The following CDH12 variants were observed in gnomAD, a reference collection of about 807,000 sequenced individuals.
CDH12 encodes cadherin-12.
Under a neutral mutation model 74.1 loss-of-function variants are expected in CDH12, and 41 were observed. The observed-to-expected ratio is 0.55, with a 90% CI of 0.43 to 0.72. CDH12 has a LOEUF of 0.72. Among genes scored for constraint, CDH12 ranks in the 30% least tolerant of loss-of-function variants. CDH12 has a pLI of 0.00. For missense variants in CDH12, 945 were observed against 977.2 expected (o/e 0.97, Z 0.44); for synonymous variants, 399 against 355.0 (o/e 1.12, Z -1.39).
intron 4 of CDH12, among the ~76,000 whole-genome samples, chr5:22,124,049 C>A (rs1745684939): frequency 6.6e-6 from 1 of 151,800 alleles, no homozygotes; most frequent in Admixed American, 6.6e-5. Flanking sequence ...CTCACTGCAA[C>A]CTCAGCCTCC....
At chr5:22,517,843 T>G (rs1369059297) in intron 1 of CDH12, among the ~76,000 whole-genome samples, 3 of 152,230 alleles carry the variant, frequency 2.0e-5, no homozygotes, top group African/African-American at 7.2e-5. Flanking sequence ...GGCAAATATA[T>G]ATTTTTTCCT....
In CDH12 at chr5:21,904,355, T is replaced by C. The variant is rs147420004; in HGVS notation, c.527-49565A>G. On this transcript the variant is annotated intron_variant, in intron 6 of 14. Transcript: ENST00000382254. ...AAAAGGGGAGAGAACACAAGAGACA[T>C]GTGGAAGGAATAATAATGGGATGAT... is the stretch of plus-strand genomic sequence containing the variant. Among the ~76,000 whole-genome samples, 857 of 152,182 alleles carry C rather than the reference T, an allele frequency of 5.6e-3. 7 individuals are homozygous for C. The highest frequency in any genetic ancestry group is 0.02 in the African/African-American group (811 of 41,524).
intron 8 of CDH12, among the ~76,000 whole-genome samples, chr5:21,833,200 ATATAT>A (rs1454048164): frequency 2.4e-5 from 1 of 41,746 alleles, no homozygotes; most frequent in Admixed American, 3.9e-4. Context: ...CATATAATAT[ATATAT>A]TATAATATAT....
chr5:22,803,074 C>G (rs1748618698), intron 1 of CDH12, among the ~76,000 whole-genome samples: 1 of 152,186 alleles, frequency 6.6e-6, no homozygotes, highest in Non-Finnish European at 1.5e-5. Flanking sequence ...AACTTTCCCA[C>G]TTACCATCTT....
chr5:22,526,065 G>C (rs1459654065), intron 1 of CDH12, among the ~76,000 whole-genome samples: 1 of 151,984 alleles, frequency 6.6e-6, no homozygotes, highest in African/African-American at 2.4e-5. Context: ...TCTCAAAGCC[G>C]AAAGAGTCTT....
At chr5:21,842,557 T>C (rs1749931747) in intron 7 of CDH12, among the ~76,000 whole-genome samples, 1 of 152,206 alleles carries the variant, frequency 6.6e-6, no homozygotes, top group Non-Finnish European at 1.5e-5. Flanking sequence ...ATGAGAAATA[T>C]GGTTAAAGAA....
chr5:22,049,259 T>A (rs1368427657), intron 5 of CDH12, among the ~76,000 whole-genome samples: 4 of 152,190 alleles, frequency 2.6e-5, no homozygotes, highest in Non-Finnish European at 5.9e-5. Flanking sequence ...ATTCAGCAAC[T>A]CTTACAAAAT....
intron 5 of CDH12, among the ~76,000 whole-genome samples, chr5:22,016,951 T>C (rs2150157524): frequency 6.6e-6 from 1 of 152,198 alleles, no homozygotes; most frequent in African/African-American, 2.4e-5. Context: ...CTGTCACAGC[T>C]TGTTTCTATT....
At chr5:22,341,266 T>G (rs1031892860) in intron 3 of CDH12, among the ~76,000 whole-genome samples, 2 of 152,110 alleles carry the variant, frequency 1.3e-5, no homozygotes, top group African/African-American at 4.8e-5. Context: ...GGAGAATTCT[T>G]TGAGTCCAGG....
intron 4 of CDH12, among the ~76,000 whole-genome samples, chr5:22,197,055 A>G (rs1750659427): frequency 6.6e-6 from 1 of 152,194 alleles, no homozygotes; most frequent in Admixed American, 6.5e-5. Context: ...TGAACTTAAA[A>G]TAAGAGTTAA....
chr5:21,755,679 C>T lies in CDH12; in HGVS notation c.1797G>A (p.Leu599=), dbSNP rs1361027851. The part of the protein sequence containing the change: ...VCRCDSDGTI[L]SCNVEAIFLP... ...GAAAAATTGCTTCCACATTACAAGA[C>T]AGGATGGTGCCATCAGAGTCACATC... The change falls in exon 14 of 15, where the codon CTG becomes CTA. Residue 599 remains leucine (L), a synonymous_variant. Transcript: ENST00000382254. 6.2e-7 allele frequency: 1 copy of T among 1,614,092 alleles called. No homozygotes were observed. Among genetic ancestry groups the T allele is most frequent in the Admixed American group, 1.7e-5 (1 of 60,008 alleles).
In CDH12 at chr5:22,732,469, T is replaced by TACACACAC. The variant is rs1304912248; in HGVS notation, c.-523+120588_-523+120589insGTGTGTGT. 3.9e-4 allele frequency among the ~76,000 whole-genome samples: 23 copies of TACACACAC among 58,316 alleles called. No individual in the cohort carries two copies. The East Asian group carries it at 0.014, about 35-fold the overall frequency. The allele number at this position is 58,316 out of a possible 152,430, so 38.3% of individuals were successfully genotyped here. On this transcript the variant is annotated intron_variant, in intron 1 of 14. Coordinates refer to ENST00000382254, the MANE Select transcript of CDH12 (RefSeq NM_004061.5). ...GTGAATGTGTGTGTATATATATATA[T>TACACACAC]ATACACACACACACACACACACACA...
intron 1 of CDH12, among the ~76,000 whole-genome samples, chr5:22,557,684 T>C (rs1332041656): frequency 6.6e-6 from 1 of 152,056 alleles, no homozygotes. Flanking sequence ...CATTATTAAT[T>C]GTGCAATTAC....
chr5:22,330,992 G>A (rs888471345), intron 3 of CDH12, among the ~76,000 whole-genome samples: 1 of 151,972 alleles, frequency 6.6e-6, no homozygotes, highest in Non-Finnish European at 1.5e-5. Flanking sequence ...TGGGCTTCAG[G>A]TGAACATCAG....
intron 3 of CDH12, among the ~76,000 whole-genome samples, chr5:22,378,029 T>A (rs1054794415): frequency 1.3e-5 from 2 of 152,196 alleles, no homozygotes; most frequent in African/African-American, 4.8e-5. Context: ...AATAACTGAT[T>A]ATGAATAATA....
chr5:22,195,652 A>C (rs1750573997), intron 4 of CDH12, among the ~76,000 whole-genome samples: 1 of 152,178 alleles, frequency 6.6e-6, no homozygotes, highest in African/African-American at 2.4e-5. Context: ...AGAAAATATA[A>C]AATGTGTATT....
chr5:22,411,389 T>C (rs1428623913), intron 2 of CDH12, among the ~76,000 whole-genome samples: 1 of 151,950 alleles, frequency 6.6e-6, no homozygotes, highest in Admixed American at 6.6e-5. Context: ...ACTTAAATAG[T>C]ATGATTAGTA....
At chr5:22,373,497 C>T (rs1741386806) in intron 3 of CDH12, among the ~76,000 whole-genome samples, 1 of 152,208 alleles carries the variant, frequency 6.6e-6, no homozygotes, top group African/African-American at 2.4e-5. Context: ...TCACCTAAAC[C>T]TGTTAACACA....
intron 3 of CDH12, among the ~76,000 whole-genome samples, chr5:22,244,043 G>A (rs1752834299): frequency 6.6e-6 from 1 of 151,848 alleles, no homozygotes. Context: ...TTCCTTTTCT[G>A]TACTATTCAC....
Sources: allele counts gnomAD v4.1 joint callset (sites outside exome capture counted in the v4.1 genomes callset), GRCh38; gene constraint gnomAD v4.1.1; transcripts MANE v1.5; gene names NCBI Gene and HGNC (gene_info 2026-07-23, HGNC 2026-07-21).